GTF2F2: variants seen among roughly 807,000 people sequenced by gnomAD.
The protein encoded by GTF2F2 is general transcription factor IIF subunit 2.
In GTF2F2, 23 loss-of-function variants were observed where a neutral mutation model predicts 42.2. The ratio of observed to expected loss-of-function variants is 0.55; its 90% CI spans 0.39 to 0.77. The LOEUF is 0.77. Among genes scored for constraint, GTF2F2 ranks in the 30% least tolerant of loss-of-function variants. GTF2F2 has a pLI of 0.00. For missense variants in GTF2F2, 261 were observed against 287.2 expected, an observed-to-expected ratio of 0.91 and a Z score of 0.66; for synonymous variants, 105 against 100.8, an observed-to-expected ratio of 1.04 and a Z score of -0.25.
intron 4 of GTF2F2, among the ~76,000 whole-genome samples, chr13:45,195,834 T>C (rs1872863977): frequency 6.6e-6 from 1 of 152,210 alleles, no homozygotes; most frequent in Admixed American, 6.5e-5. Flanking sequence ...TTAATTTATT[T>C]TTGTAGAGAC....
At chr13:45,269,702 A>G (rs1005398234) in intron 7 of GTF2F2, among the ~76,000 whole-genome samples, 1 of 152,238 alleles carries the variant, frequency 6.6e-6, no homozygotes, top group African/African-American at 2.4e-5. Context: ...TCTACCATTT[A>G]GCCAAATAGT....
chr13:45,231,326 T>C (rs1874670598), intron 5 of GTF2F2, among the ~76,000 whole-genome samples: 1 of 152,182 alleles, frequency 6.6e-6, no homozygotes, highest in Non-Finnish European at 1.5e-5. Context: ...CAGGCTGGTC[T>C]TGAACTCCTG....
rs573131226 is a variant in GTF2F2, at chr13:45,255,302, G to A, written c.486+2332G>A. Among the ~76,000 whole-genome samples the A allele has an allele frequency of 1.4e-4, 21 of 152,204 alleles. 1 individual carries two copies. The highest frequency in any genetic ancestry group is 3.9e-4 in the Admixed American group (6 of 15,290). ...ATATGAAAGTAGCAAATGCCACTAGGGCTAAGTAGATATCTTAAATGAGTG... is the reference window on the plus strand; with the variant it reads ...ATATGAAAGTAGCAAATGCCACTAGAGCTAAGTAGATATCTTAAATGAGTG... On this transcript the variant is annotated intron_variant, in intron 6 of 7. Coordinates refer to ENST00000340473, the MANE Select transcript of GTF2F2 (RefSeq NM_004128.3).
At chr13:45,267,149 CAAAAA>C in intron 6 of GTF2F2, 79 bp from the exon 7 acceptor site, 3 of 951,816 alleles carry the variant, frequency 3.2e-6, no homozygotes, top group Non-Finnish European at 4.4e-6. Flanking sequence ...AACTCTGTCT[CAAAAA>C]AAAAAAAAAG....
intron 4 of GTF2F2, among the ~76,000 whole-genome samples, chr13:45,168,585 GT>G (rs1871415154): frequency 6.6e-6 from 1 of 151,978 alleles, no homozygotes; most frequent in Admixed American, 6.6e-5. Flanking sequence ...AACCCTCAGT[GT>G]TTTCTGACAA....
intron 5 of GTF2F2, among the ~76,000 whole-genome samples, chr13:45,225,867 T>C (rs922348448): frequency 1.3e-5 from 2 of 152,212 alleles, no homozygotes; most frequent in African/African-American, 4.8e-5. Flanking sequence ...TTTGTTTCAA[T>C]AAATTTTGTT....
intron 4 of GTF2F2, among the ~76,000 whole-genome samples, chr13:45,201,257 C>G (rs982375382): frequency 1.3e-5 from 2 of 152,146 alleles, no homozygotes; most frequent in Non-Finnish European, 2.9e-5. Context: ...CAGGATAATC[C>G]AGCATAGAGC....
intron 5 of GTF2F2, among the ~76,000 whole-genome samples, chr13:45,212,503 C>CTTTCTTTCTT (rs1315654173): frequency 2.0e-5 from 2 of 100,908 alleles, no homozygotes; most frequent in Non-Finnish European, 4.4e-5. Flanking sequence ...TTCTTTCTTT[C>CTTTCTTTCTT]TTTCTTTTCT....
At chr13:45,272,189 G>A (rs973024708) in intron 7 of GTF2F2, among the ~76,000 whole-genome samples, 4 of 150,496 alleles carry the variant, frequency 2.7e-5, no homozygotes, top group Admixed American at 6.6e-5. Flanking sequence ...ATAATTATTT[G>A]CTAACTTATG....
At chr13:45,238,331 A>G (rs763483255) in intron 5 of GTF2F2, among the ~76,000 whole-genome samples, 9 of 152,192 alleles carry the variant, frequency 5.9e-5, no homozygotes, top group South Asian at 4.1e-4. Context: ...TTTTATTTCT[A>G]TCATGGAAAG....
Position 45,252,922 on chromosome 13 carries a change from C to G in GTF2F2, c.438C>G (p.Asp146Glu), listed in dbSNP as rs775723306. 7.3e-5 allele frequency: 110 copies of G among 1,508,044 alleles called. 3 individuals carry two copies. In the South Asian group the frequency reaches 1.5e-3, roughly 20 times the overall value. 93.4% of individuals were successfully genotyped at this position (1,508,044 alleles called of 1,614,324 possible). ...CAGTGAGGCTATCACAACAGCTGGA[C>G]AAAGTTGTAACAACCAATTACAAAC... ...SKPVRLSQQLDKVVTTNYKPV... is the reference protein window; with the variant it reads ...SKPVRLSQQLEKVVTTNYKPV... The change falls in exon 6 of 8, where the codon GAC (aspartate) becomes GAG (glutamate). Residue 146 changes from aspartate to glutamate, a missense_variant. By Grantham distance (45) the Asp-to-Glu change is conservative. Coordinates refer to ENST00000340473, the MANE Select transcript of GTF2F2 (RefSeq NM_004128.3).
intron 4 of GTF2F2, among the ~76,000 whole-genome samples, chr13:45,198,035 T>C (rs139497632): frequency 6.6e-6 from 1 of 152,254 alleles, no homozygotes; most frequent in Admixed American, 6.5e-5. Flanking sequence ...CTTAACTCTT[T>C]ATTAGAGTTA....
intron 5 of GTF2F2, among the ~76,000 whole-genome samples, chr13:45,246,568 G>A (rs1045235079): frequency 6.6e-6 from 1 of 151,916 alleles, no homozygotes; most frequent in Admixed American, 6.6e-5. Flanking sequence ...GTCCATTTTT[G>A]CCCCATTCTA....
chr13:45,152,557 C>G (rs139451688), intron 4 of GTF2F2, among the ~76,000 whole-genome samples: 1 of 152,182 alleles, frequency 6.6e-6, no homozygotes, highest in African/African-American at 2.4e-5. Flanking sequence ...ATATTTTAGT[C>G]TGAATTTTTC....
At chr13:45,162,565 A>G (rs1228782117) in intron 4 of GTF2F2, among the ~76,000 whole-genome samples, 6 of 152,218 alleles carry the variant, frequency 3.9e-5, no homozygotes, top group Admixed American at 1.3e-4. Context: ...TGCTCTCTGA[A>G]AAGTTAAACC....
At position 45,231,093 on chromosome 13, in the gene GTF2F2, T is replaced by A. The variant is rs902823195; in HGVS notation, c.387-21778T>A. ...TTTCATTCTTATTCTTCTATTTATT[T>A]ATTTTTTTATTTATTATTTATTTAT... On this transcript the variant is annotated intron_variant, in intron 5 of 7. Coordinates refer to ENST00000340473, the MANE Select transcript of GTF2F2 (RefSeq NM_004128.3). Among the ~76,000 whole-genome samples the A allele has an allele frequency of 6.6e-5, 10 of 151,504 alleles. 1 individual carries two copies. The East Asian group carries it at 1.9e-3, about 29-fold the overall frequency.
In GTF2F2 at chr13:45,167,876, G is replaced by T. The variant is rs192586158; in HGVS notation, c.304+16045G>T. Among the ~76,000 whole-genome samples the T allele has an allele frequency of 2.2e-3, 340 of 152,164 alleles. 5 individuals carry two copies. Among genetic ancestry groups the T allele is most frequent in the African/African-American group, 7.7e-3 (321 of 41,520 alleles). ...TCACTTGTTTCCCCCCAGTCTAAAA[G>T]AACCTTTCTTGAGAATATTTTATGG... is the stretch of plus-strand genomic sequence containing the variant. On this transcript the variant is annotated intron_variant, in intron 4 of 7. Transcript: ENST00000340473.
intron 4 of GTF2F2, among the ~76,000 whole-genome samples, chr13:45,168,411 A>G (rs958563845): frequency 6.6e-6 from 1 of 152,212 alleles, no homozygotes; most frequent in Non-Finnish European, 1.5e-5. Context: ...CGTTCAGCCA[A>G]TATCTGCCAG....
At chr13:45,149,700 G>T in intron 2 of GTF2F2, 70 bp from the exon 3 acceptor site, 3 of 1,359,048 alleles carry the variant, frequency 2.2e-6, no homozygotes, top group Non-Finnish European at 2.9e-6. Context: ...TTTTTTTTAA[G>T]CTCTTAACTC....
Sources: allele counts gnomAD v4.1 joint callset (sites outside exome capture counted in the v4.1 genomes callset), GRCh38; gene constraint gnomAD v4.1.1; transcripts MANE v1.5; gene names NCBI Gene and HGNC (gene_info 2026-07-23, HGNC 2026-07-21).